The following RFTN2 variants were observed in gnomAD, a reference collection of about 807,000 sequenced individuals.
RFTN2 encodes the protein raftlin family member 2.
Under a neutral mutation model 52.7 loss-of-function variants are expected in RFTN2, and 34 were observed. The observed-to-expected ratio is 0.64, with a 90% CI of 0.49 to 0.86. RFTN2 has a LOEUF of 0.86. Ranked by LOEUF, RFTN2 falls within the 40% of genes least tolerant of loss-of-function variation. RFTN2 has a pLI of 0.00. For missense variants in RFTN2, 536 were observed against 600.1 expected (o/e 0.89, Z 1.12); for synonymous variants, 203 against 217.7 (o/e 0.93, Z 0.59).
chr2:197,619,291 A>G (rs542855033), intron 5 of RFTN2, among the ~76,000 whole-genome samples: 3,222 of 151,172 alleles, frequency 0.021, 94 homozygotes, highest in African/African-American at 0.074. Flanking sequence ...GCGGTTTTGT[A>G]GAATAGAAAG....
rs377207074 is a variant in RFTN2, at chr2:197,639,771, T to C, written c.438+4387A>G. ...AGTCATTCTCCATCCAGCTTTGTTC[T>C]GTTGCTGGTGAGGAACTGCGTTCCT... is the stretch of plus-strand genomic sequence containing the variant. On this transcript the variant is annotated intron_variant, in intron 3 of 8. Coordinates refer to ENST00000295049, the MANE Select transcript of RFTN2 (RefSeq NM_144629.3). 8.8e-4 allele frequency among the ~76,000 whole-genome samples: 125 copies of C among 142,666 alleles called. No homozygotes were observed. The East Asian group carries it at 0.017, about 20-fold the overall frequency. 93.6% of individuals were successfully genotyped at this position (142,666 alleles called of 152,430 possible). A position where few individuals can be genotyped will look rare whatever the true frequency, so the allele number is the denominator to read the frequency against.
At chr2:197,660,888 C>T (rs2106266567) in intron 1 of RFTN2, among the ~76,000 whole-genome samples, 1 of 152,076 alleles carries the variant, frequency 6.6e-6, no homozygotes, top group East Asian at 1.9e-4. Flanking sequence ...GTGTTAGGAA[C>T]AATTTCAAGT....
In RFTN2 at chr2:197,614,380, C is replaced by T. The variant is rs755003857; in HGVS notation, c.1154+1496G>A. ...GATCGGCTGCTGGACGGTCAAACTC[C>T]GGAAGATGATCATCTTCCCACTGCA... On this transcript the variant is annotated intron_variant, in intron 7 of 8. Transcript: ENST00000295049. 7.3e-4 allele frequency among the ~76,000 whole-genome samples: 111 copies of T among 152,200 alleles called. 1 individual carries two copies. Among genetic ancestry groups the T allele is most frequent in the Admixed American group, 1.6e-3 (24 of 15,290 alleles).
At chr2:197,572,789 T>C (rs2087340767) in intron 8 of RFTN2, among the ~76,000 whole-genome samples, 1 of 149,014 alleles carries the variant, frequency 6.7e-6, no homozygotes, top group African/African-American at 2.4e-5. Context: ...GTAACTCCCA[T>C]ATTTCCCATG....
chr2:197,584,052 A>G (rs1287380522), intron 8 of RFTN2, among the ~76,000 whole-genome samples: 1 of 152,130 alleles, frequency 6.6e-6, no homozygotes, highest in Admixed American at 6.6e-5. Context: ...TTGGTTCCAC[A>G]TCTTTGCTAT....
Position 197,619,152 on chromosome 2 carries a change from C to T in RFTN2, c.929-1231G>A, listed in dbSNP as rs556197838. Among the ~76,000 whole-genome samples, 40 of 151,394 alleles carry T rather than the reference C, an allele frequency of 2.6e-4. 1 individual carries two copies. Among genetic ancestry groups the T allele is most frequent in the African/African-American group, 8.2e-4 (34 of 41,330 alleles). On this transcript the variant is annotated intron_variant, in intron 5 of 8. Coordinates refer to ENST00000295049, the MANE Select transcript of RFTN2 (RefSeq NM_144629.3). Reference sequence around the variant, plus strand: ...AGGGAGGTGGGGGGGGTCAGCCCCCCATCCGGGAGGTGAGGGGCGCCTCTG... The same window carrying T: ...AGGGAGGTGGGGGGGGTCAGCCCCCTATCCGGGAGGTGAGGGGCGCCTCTG...
At chr2:197,618,139 G>A (rs928319554) in intron 5 of RFTN2, 9 of 236,208 alleles carry the variant, frequency 3.8e-5, no homozygotes, top group South Asian at 3.6e-4. Flanking sequence ...ATGCCCAGCC[G>A]AAGCTGGACG....
At chr2:197,670,947 C>A (rs1349410449) in intron 1 of RFTN2, among the ~76,000 whole-genome samples, 2 of 152,124 alleles carry the variant, frequency 1.3e-5, no homozygotes, top group African/African-American at 2.4e-5. Context: ...AGGCTAAGTT[C>A]CTCCTTTGTA....
Position 197,577,713 on chromosome 2 carries a change from A to T in RFTN2, c.1234-5433T>A, listed in dbSNP as rs545212906. 3.2e-4 allele frequency among the ~76,000 whole-genome samples: 48 copies of T among 152,216 alleles called. 1 individual carries two copies. The South Asian group carries it at 8.3e-3, about 26-fold the overall frequency. Reference sequence around the variant, plus strand: ...TTTTGAGACAGAGTTTCTCTCTGTCACCCAGGCTGGAGTGCAGTAGCACAA... The same window carrying T: ...TTTTGAGACAGAGTTTCTCTCTGTCTCCCAGGCTGGAGTGCAGTAGCACAA... On this transcript the variant is annotated intron_variant, in intron 8 of 8. Transcript: ENST00000295049.
chr2:197,572,193 CAGGTTGTGACG>C lies in RFTN2; in HGVS notation c.1310_1320del (p.Ser437CysfsTer8), dbSNP rs1490474402. ...TCCTCAGGCAGGTGTCTGCTCTCTG[CAGGTTGTGACG>C]AGGTTGTGTCTAATCCGATGCTTCT... On this transcript the variant is annotated frameshift_variant, in exon 9 of 9. Coordinates refer to ENST00000295049, the MANE Select transcript of RFTN2 (RefSeq NM_144629.3). LOFTEE classifies it low-confidence loss of function (END_TRUNC). The C allele has an allele frequency of 6.2e-7, 1 of 1,614,128 alleles. No individual in the cohort carries two copies. The highest frequency in any genetic ancestry group is 2.2e-5 in the East Asian group (1 of 44,900).
At chr2:197,668,800 CT>C (rs2089098681) in intron 1 of RFTN2, among the ~76,000 whole-genome samples, 1 of 152,180 alleles carries the variant, frequency 6.6e-6, no homozygotes, top group Non-Finnish European at 1.5e-5. Flanking sequence ...CCCTTCCTCC[CT>C]GGGACAGTCC....
Position 197,633,949 on chromosome 2 carries a change from G to T in RFTN2, c.487C>A (p.Gln163Lys), listed in dbSNP as rs752314524. 1 of 1,613,318 alleles carries T rather than the reference G, an allele frequency of 6.2e-7. No individual in the cohort carries two copies. Among genetic ancestry groups the T allele is most frequent in the Admixed American group, 1.7e-5 (1 of 59,974 alleles). Residue 163 changes from glutamine (Q) to lysine (K), a missense_variant, in exon 4 of 9, where the codon CAG becomes AAG. Transcript: ENST00000295049. ...RGMKFVGFIS[Q>K]HYSPSKFCNG... ...CAGAATTTAGATGGAGAATAATGCT[G>T]TGATATGAATCCAACAAATTTCATT... is the stretch of plus-strand genomic sequence containing the variant.
intron 7 of RFTN2, among the ~76,000 whole-genome samples, chr2:197,606,537 C>T (rs922883337): frequency 6.6e-6 from 1 of 152,068 alleles, no homozygotes; most frequent in African/African-American, 2.4e-5. Flanking sequence ...TCAGAGTGAA[C>T]AGGCAACCTA....
intron 1 of RFTN2, among the ~76,000 whole-genome samples, chr2:197,661,193 C>T (rs1406132732): frequency 6.6e-6 from 1 of 151,756 alleles, no homozygotes; most frequent in African/African-American, 2.4e-5. Context: ...CCTCCAGCTC[C>T]ATCCATGTTG....
At chr2:197,603,732 T>C (rs1481878530) in intron 7 of RFTN2, among the ~76,000 whole-genome samples, 1 of 152,098 alleles carries the variant, frequency 6.6e-6, no homozygotes, top group Non-Finnish European at 1.5e-5. Context: ...CTGGCTAACA[T>C]GGTGAAACTC....
At chr2:197,630,952 C>G in intron 5 of RFTN2, 59 bp downstream of exon 5, 1 of 1,160,618 alleles carries the variant, frequency 8.6e-7, no homozygotes, top group Non-Finnish European at 1.3e-6. Context: ...AACATTTTCA[C>G]TGATTTTGAT....
At chr2:197,620,827 A>G (rs2088251262) in intron 5 of RFTN2, among the ~76,000 whole-genome samples, 2 of 152,148 alleles carry the variant, frequency 1.3e-5, no homozygotes, top group African/African-American at 4.8e-5. Context: ...TTAGCTGGGC[A>G]TGGTGGCGCA....
chr2:197,661,982 G>A (rs867060669), intron 1 of RFTN2, among the ~76,000 whole-genome samples: 4 of 152,012 alleles, frequency 2.6e-5, no homozygotes, highest in African/African-American at 9.7e-5. Flanking sequence ...ACTTTTTAAC[G>A]TGATTTTTAA....
At chr2:197,645,002 C>G (rs2088728273) in intron 2 of RFTN2, among the ~76,000 whole-genome samples, 1 of 152,082 alleles carries the variant, frequency 6.6e-6, no homozygotes, top group Non-Finnish European at 1.5e-5. Context: ...CCTCTACTTT[C>G]ATTTTTCCTT....
Sources: allele counts gnomAD v4.1 joint callset (sites outside exome capture counted in the v4.1 genomes callset), GRCh38; gene constraint gnomAD v4.1.1; transcripts MANE v1.5; gene names NCBI Gene and HGNC (gene_info 2026-07-23, HGNC 2026-07-21).